Variants in TMEM182 observed in about 807,000 individuals in gnomAD.
TMEM182 encodes transmembrane protein 182.
TMEM182 carries 20 observed loss-of-function variants against 26.8 expected under a neutral mutation model. The ratio of observed to expected loss-of-function variants is 0.75; its 90% CI spans 0.53 to 1.09. TMEM182 has a LOEUF of 1.09. Ranked by LOEUF, TMEM182 falls within the 50% of genes least tolerant of loss-of-function variation. The pLI is 0.00. For synonymous variants in TMEM182, 109 were observed against 102.2 expected (o/e 1.07, Z -0.40); for missense variants, 277 against 275.5 (o/e 1.01, Z -0.04).
exon 4 of TMEM182, chr2:102,843,640 G>A (rs150535653): frequency 1.3e-5 from 2 of 152,322 alleles, no homozygotes; most frequent in East Asian, 3.9e-4. Context: ...TGGAAGCACA[G>A]ACCAAGGCTT....
chr2:102,773,947 G>A (rs892948434), intron 3 of TMEM182, among the ~76,000 whole-genome samples: 2 of 152,028 alleles, frequency 1.3e-5, no homozygotes, highest in Non-Finnish European at 2.9e-5. Flanking sequence ...GGGTTGCTAT[G>A]TACTTTAAAA....
At chr2:102,806,261 G>C (rs1439156545) in intron 4 of TMEM182, among the ~76,000 whole-genome samples, 1 of 152,076 alleles carries the variant, frequency 6.6e-6, no homozygotes, top group African/African-American at 2.4e-5. Context: ...CTAGGCTAAC[G>C]GTCTGTCCTG....
rs1681928654 is a variant in TMEM182 at position 102,797,734 on chromosome 2, A to T, written c.332-129A>T. 8.8e-6 allele frequency: 10 copies of T among 1,140,530 alleles called. No homozygotes were observed. The Admixed American group carries it at 2.9e-4, about 33-fold the overall frequency. The allele number at this position is 1,140,530 out of a possible 1,614,324, so 70.7% of individuals were successfully genotyped here. The stretch of plus-strand genomic sequence containing the variant: ...CTGTTTGTTCAGACCCATCCCTGGC[A>T]TTCTATCTAGCAGTGCCATAGCTGA... On this transcript the variant is annotated intron_variant, in intron 3 of 4. Coordinates refer to ENST00000412401, the MANE Select transcript of TMEM182 (RefSeq NM_144632.5).
rs1215363297 is a variant in TMEM182, at chr2:102,776,374, C to T, written c.331+11947C>T. On this transcript the variant is annotated intron_variant, in intron 3 of 4. Transcript: ENST00000412401. The stretch of plus-strand genomic sequence containing the variant: ...GCAACCACTGATCTTTTTGCTTCAT[C>T]GTTTTACCTTTTTCAGAATGTCGTA... 9.2e-5 allele frequency among the ~76,000 whole-genome samples: 14 copies of T among 152,254 alleles called. No homozygotes were observed. The East Asian group carries it at 1.5e-3, about 17-fold the overall frequency.
At chr2:102,839,809 G>A (rs1683314156) in intron 3 of TMEM182, among the ~76,000 whole-genome samples, 1 of 152,110 alleles carries the variant, frequency 6.6e-6, no homozygotes, top group African/African-American at 2.4e-5. Context: ...CTCTCAGCGT[G>A]CGACTTCTGA....
At chr2:102,801,237 A>C (rs1247762817) in intron 4 of TMEM182, among the ~76,000 whole-genome samples, 1 of 152,112 alleles carries the variant, frequency 6.6e-6, no homozygotes, top group African/African-American at 2.4e-5. Context: ...CCTTTGTGGC[A>C]CTGTTGCAGG....
At chr2:102,843,551 C>T (rs2104785698) in exon 4 of TMEM182, 1 of 152,350 alleles carries the variant, frequency 6.6e-6, no homozygotes, top group South Asian at 2.1e-4. Flanking sequence ...GTCACTGGAC[C>T]TGCATTACAG....
In TMEM182 at chr2:102,816,389, G is replaced by A. The variant is rs1682748811; in HGVS notation, c.*1421G>A. 1.0e-6 allele frequency: 1 copy of A among 985,072 alleles called. No homozygotes were observed. The highest frequency in any genetic ancestry group is 1.2e-6 in the Non-Finnish European group (1 of 829,892). The allele number at this position is 985,072 out of a possible 1,614,324, so 61.0% of individuals were successfully genotyped here. A position where few individuals can be genotyped will look rare whatever the true frequency, so the allele number is the denominator to read the frequency against. On this transcript the variant is annotated 3_prime_UTR_variant, in exon 5 of 5. Coordinates refer to ENST00000412401, the MANE Select transcript of TMEM182 (RefSeq NM_144632.5). ...TCAGCTCTTCCAATGCCGTGGGAGA[G>A]GTGATCCCAGTCTTCTCTGTACATC...
downstream of TMEM182, among the ~76,000 whole-genome samples, chr2:102,820,109 A>T (rs997384151): frequency 1.3e-5 from 2 of 152,166 alleles, no homozygotes; most frequent in Non-Finnish European, 2.9e-5. Context: ...CTTGCAGAAG[A>T]TTATACTGAT....
chr2:102,741,991 G>A (rs1041537110), intron 1 of TMEM182, among the ~76,000 whole-genome samples: 13 of 152,186 alleles, frequency 8.5e-5, no homozygotes, highest in African/African-American at 2.2e-4. Flanking sequence ...AAATGTTTAC[G>A]ATGTGTGCTA....
intron 3 of TMEM182, among the ~76,000 whole-genome samples, chr2:102,778,955 GTT>G (rs1209917155): frequency 6.6e-6 from 1 of 151,888 alleles, no homozygotes; most frequent in Admixed American, 6.6e-5. Flanking sequence ...CCTTTCTGGT[GTT>G]TTTCTGTTAT....
intron 3 of TMEM182, among the ~76,000 whole-genome samples, chr2:102,780,353 G>A (rs1216582897): frequency 1.3e-5 from 2 of 152,088 alleles, no homozygotes; most frequent in East Asian, 1.9e-4. Flanking sequence ...GTTACCTGTG[G>A]TAGAGAGAGG....
At chr2:102,754,446 A>G (rs1343629172) in intron 1 of TMEM182, among the ~76,000 whole-genome samples, 3 of 152,170 alleles carry the variant, frequency 2.0e-5, no homozygotes, top group African/African-American at 4.8e-5. Context: ...TGGCAGATGA[A>G]GTATTGTACA....
downstream of TMEM182, among the ~76,000 whole-genome samples, chr2:102,819,721 A>G (rs1558790925): frequency 6.6e-6 from 1 of 152,226 alleles, no homozygotes; most frequent in Non-Finnish European, 1.5e-5. Context: ...ATTATATTAT[A>G]TGTGCATATA....
chr2:102,815,710 G>C lies in TMEM182; in HGVS notation c.*742G>C, dbSNP rs1459858817. 1.0e-6 allele frequency: 1 copy of C among 969,960 alleles called. No homozygotes were observed. Among genetic ancestry groups the C allele is most frequent in the East Asian group, 1.1e-4 (1 of 8,738 alleles). 60.1% of individuals were successfully genotyped at this position (969,960 alleles called of 1,614,324 possible). ...TTTATGAACTTAAAGTGAGTTAATT[G>C]TATAATGTAATATTGTTTAAAATAT... is the stretch of plus-strand genomic sequence containing the variant. On this transcript the variant is annotated 3_prime_UTR_variant, in exon 5 of 5. Transcript: ENST00000412401.
intron 1 of TMEM182, among the ~76,000 whole-genome samples, chr2:102,750,976 C>T (rs1006934204): frequency 2.6e-5 from 4 of 152,126 alleles, no homozygotes; most frequent in African/African-American, 7.2e-5. Context: ...TGCATATAGC[C>T]GCCTTCTTGC....
intron 3 of TMEM182, among the ~76,000 whole-genome samples, chr2:102,782,259 G>A (rs1478622370): frequency 6.6e-6 from 1 of 152,046 alleles, no homozygotes; most frequent in Admixed American, 6.5e-5. Flanking sequence ...CTGGGAGGCG[G>A]AGGTTACAGT....
chr2:102,789,493 G>T (rs756004876), intron 3 of TMEM182, among the ~76,000 whole-genome samples: 30 of 152,172 alleles, frequency 2.0e-4, no homozygotes, highest in Admixed American at 4.6e-4. Flanking sequence ...ATGAAAACCC[G>T]TAGAGACGCT....
chr2:102,776,605 T>C (rs577160433), intron 3 of TMEM182, among the ~76,000 whole-genome samples: 1 of 152,314 alleles, frequency 6.6e-6, no homozygotes, highest in Admixed American at 6.5e-5. Context: ...CAATTATTAA[T>C]AAAGCCTCTA....
Sources: allele counts gnomAD v4.1 joint callset (sites outside exome capture counted in the v4.1 genomes callset), GRCh38; gene constraint gnomAD v4.1.1; transcripts MANE v1.5; gene names NCBI Gene and HGNC (gene_info 2026-07-23, HGNC 2026-07-21).